The following SEM1 variants were observed in gnomAD, a reference collection of about 807,000 sequenced individuals.
SEM1 encodes 26S proteasome complex subunit SEM1.
A neutral mutation model predicts 12.7 loss-of-function variants in SEM1; 3 were observed. The ratio of observed to expected loss-of-function variants is 0.24; its 90% confidence interval spans 0.11 to 0.61. The LOEUF (loss-of-function observed/expected upper bound fraction) is 0.61. Among genes scored for constraint, SEM1 ranks in the 20% least tolerant of loss-of-function variants. The pLI, the probability that SEM1 is intolerant of heterozygous loss-of-function variation, is 0.88. For synonymous variants in SEM1, 30 were observed against 27.8 expected (o/e 1.08, Z -0.25); for missense variants, 59 against 81.3 (o/e 0.73, Z 1.06).
chr7:96,709,599 C>T (rs1790584440), intron 1 of SEM1, 89 bp downstream of exon 1: 3 of 1,279,970 alleles, frequency 2.3e-6, no homozygotes, highest in Non-Finnish European at 3.4e-6. Flanking sequence ...CCGCCGGTGC[C>T]CCCAGCTGGG....
upstream of SEM1, among the ~76,000 whole-genome samples, chr7:96,500,568 A>C (rs1411449041): frequency 5.9e-5 from 9 of 152,098 alleles, no homozygotes; most frequent in Non-Finnish European, 4.4e-5. Flanking sequence ...CCACCTAAGA[A>C]TATTTTGTGC....
At chr7:96,490,670 G>A (rs898704749) in intron 1 of SEM1, among the ~76,000 whole-genome samples, 1 of 152,118 alleles carries the variant, frequency 6.6e-6, no homozygotes, top group East Asian at 1.9e-4. Context: ...GTCAGGGTGG[G>A]GGTGGACTAA....
intron 2 of SEM1, among the ~76,000 whole-genome samples, chr7:96,563,829 A>G (rs4313087): frequency 0.58 from 88,571 of 151,994 alleles, 27,346 homozygotes; most frequent in Non-Finnish European, 0.69. Context: ...CTTCTTGTAT[A>G]TAAAGAGAAA....
intron 2 of SEM1, among the ~76,000 whole-genome samples, chr7:96,532,185 T>G (rs1804662666): frequency 6.6e-6 from 1 of 152,112 alleles, no homozygotes; most frequent in Admixed American, 6.6e-5. Flanking sequence ...AGCTAAAACA[T>G]GTTTTAAAAA....
intron 2 of SEM1, among the ~76,000 whole-genome samples, chr7:96,675,778 G>C (rs767887103): frequency 6.6e-6 from 1 of 152,132 alleles, no homozygotes; most frequent in Non-Finnish European, 1.5e-5. Flanking sequence ...TGATGCAAAG[G>C]AAGAGGACAT....
At chr7:96,523,599 G>A (rs1267040715) in intron 2 of SEM1, among the ~76,000 whole-genome samples, 1 of 152,050 alleles carries the variant, frequency 6.6e-6, no homozygotes, top group South Asian at 2.1e-4. Context: ...CAGACCATTA[G>A]CTTATTCAAC....
At chr7:96,587,669 C>CG (rs112732749) in intron 2 of SEM1, among the ~76,000 whole-genome samples, 17,988 of 150,740 alleles carry the variant, frequency 0.12, 1,145 homozygotes, top group Non-Finnish European at 0.14. Context: ...TTTTTTTCCC[C>CG]AGGAAAATGG....
intron 2 of SEM1, among the ~76,000 whole-genome samples, chr7:96,661,735 C>G (rs954983260): frequency 6.6e-6 from 1 of 152,268 alleles, no homozygotes; most frequent in Middle Eastern, 3.4e-3. Context: ...TGCCTGTAAT[C>G]CCAGCACTTT....
At chr7:96,496,222 C>A (rs1394529862) in intron 1 of SEM1, 2 of 1,014,714 alleles carry the variant, frequency 2.0e-6, no homozygotes, top group Non-Finnish European at 1.5e-6. Context: ...GGTATACTAA[C>A]TCATGTAGAG....
At chr7:96,705,184 G>C (rs1436309295) in intron 1 of SEM1, among the ~76,000 whole-genome samples, 15 of 152,152 alleles carry the variant, frequency 9.9e-5, no homozygotes, top group Admixed American at 1.3e-4. Flanking sequence ...TTCTCCAGGG[G>C]CCAGAGGGTG....
At chr7:96,615,561 A>G (rs1807691760) in intron 2 of SEM1, among the ~76,000 whole-genome samples, 1 of 152,092 alleles carries the variant, frequency 6.6e-6, no homozygotes, top group Admixed American at 6.5e-5. Flanking sequence ...AGCCCAACTC[A>G]TATGATTTTT....
intron 1 of SEM1, among the ~76,000 whole-genome samples, chr7:96,495,222 T>C (rs949150799): frequency 6.6e-6 from 1 of 152,210 alleles, no homozygotes; most frequent in Non-Finnish European, 1.5e-5. Context: ...GCAGCCAAAT[T>C]AGCTCATTTC....
At chr7:96,571,918 C>T (rs1173177796) in intron 2 of SEM1, among the ~76,000 whole-genome samples, 1 of 151,890 alleles carries the variant, frequency 6.6e-6, no homozygotes, top group Non-Finnish European at 1.5e-5. Context: ...TGGTCCTGGG[C>T]TTTTTTTGGT....
At position 96,706,570 on chromosome 7, in the gene SEM1, CAAA is replaced by C. The variant is rs67892273; in HGVS notation, c.76+3115_76+3117del. On this transcript the variant is annotated intron_variant, in intron 1 of 2. Coordinates refer to ENST00000248566, the MANE Select transcript of SEM1 (RefSeq NM_006304.2). ...AGAGTGAAACTCCATCTCAAACAAACAAAAAAAAAAAAAAAAAAAAAAAAAGAG... is the reference window on the plus strand; with the variant it reads ...AGAGTGAAACTCCATCTCAAACAAACAAAAAAAAAAAAAAAAAAAAAAGAG... Among the ~76,000 whole-genome samples, 727 of 78,076 alleles carry C rather than the reference CAAA, an allele frequency of 9.3e-3. 1 individual carries two copies. Among genetic ancestry groups the C allele is most frequent in the African/African-American group, 0.035 (672 of 19,440 alleles). The allele number at this position is 78,076 out of a possible 152,430, so 51.2% of individuals were successfully genotyped here.
intron 2 of SEM1, among the ~76,000 whole-genome samples, chr7:96,601,319 A>C (rs10240174): frequency 0.74 from 112,361 of 151,990 alleles, 43,004 homozygotes; most frequent in East Asian, 0.91. Flanking sequence ...ATAGTATCTG[A>C]GGAAGTGAGT....
chr7:96,524,169 A>G (rs1385099188), intron 2 of SEM1, among the ~76,000 whole-genome samples: 2 of 151,740 alleles, frequency 1.3e-5, no homozygotes, highest in African/African-American at 4.8e-5. Flanking sequence ...CAATCCTTCT[A>G]CTCATCTCTT....
At chr7:96,557,757 A>G (rs929061166) in intron 2 of SEM1, among the ~76,000 whole-genome samples, 1 of 151,298 alleles carries the variant, frequency 6.6e-6, no homozygotes, top group African/African-American at 2.4e-5. Context: ...TACCTAATCA[A>G]GCCTAGGCAA....
intron 2 of SEM1, chr7:96,622,922 A>G: frequency 2.7e-6 from 1 of 375,134 alleles, no homozygotes; most frequent in East Asian, 4.1e-5. Context: ...CAGTCTTGAC[A>G]TCTGTGATGG....
downstream of SEM1, among the ~76,000 whole-genome samples, chr7:96,618,484 T>A (rs1378218789): frequency 6.6e-6 from 1 of 152,188 alleles, no homozygotes; most frequent in Non-Finnish European, 1.5e-5. Flanking sequence ...GTTTATAAAC[T>A]TTTTTATCCC....
Sources: allele counts gnomAD v4.1 joint callset (sites outside exome capture counted in the v4.1 genomes callset), GRCh38; gene constraint gnomAD v4.1.1; transcripts MANE v1.5; gene names NCBI Gene and HGNC (gene_info 2026-07-23, HGNC 2026-07-21).